The following PHF14 variants were observed in gnomAD, a reference collection of about 807,000 sequenced individuals.
PHF14 encodes PHD finger protein 14.
Under a neutral mutation model 117.9 loss-of-function variants are expected in PHF14, and 55 were observed. That is an observed-to-expected ratio of 0.47 (90% CI 0.38 to 0.58). PHF14 has a LOEUF of 0.58. PHF14 is among the 20% of genes least tolerant of loss of function. The probability of loss-of-function intolerance (pLI) is 0.00; values close to 1 mark genes in which losing one functional copy is unlikely to be tolerated. For missense variants in PHF14, 978 were observed against 1,122.2 expected, an observed-to-expected ratio of 0.87 and a Z score of 1.84; for synonymous variants, 409 against 368.6, an observed-to-expected ratio of 1.11 and a Z score of -1.26.
At chr7:11,168,889 GCCA>G (rs1484120747) in intron 17 of PHF14, among the ~76,000 whole-genome samples, 4 of 151,938 alleles carry the variant, frequency 2.6e-5, no homozygotes, top group Non-Finnish European at 5.9e-5. Flanking sequence ...GAATTATGAG[GCCA>G]CCACTTAGAA....
chr7:11,046,238 G>A (rs1784658744), intron 13 of PHF14, among the ~76,000 whole-genome samples: 1 of 152,048 alleles, frequency 6.6e-6, no homozygotes, highest in South Asian at 2.1e-4. Context: ...GACACATTTG[G>A]TAGGATACAA....
intron 16 of PHF14, among the ~76,000 whole-genome samples, chr7:11,094,404 C>A (rs901217188): frequency 9.9e-5 from 15 of 152,078 alleles, no homozygotes; most frequent in Non-Finnish European, 2.1e-4. Flanking sequence ...TGGTTCATGA[C>A]CCCCAACTTC....
chr7:11,044,401 A>G (rs1784601005), intron 13 of PHF14, among the ~76,000 whole-genome samples: 1 of 152,188 alleles, frequency 6.6e-6, no homozygotes, highest in Admixed American at 6.6e-5. Context: ...GGCGTAAACA[A>G]CTTAGAGCCT....
chr7:11,088,418 G>GCACGCACGCA (rs10625363), intron 16 of PHF14, among the ~76,000 whole-genome samples: 1 of 150,564 alleles, frequency 6.6e-6, no homozygotes, highest in Non-Finnish European at 1.5e-5. Flanking sequence ...ACACACACAC[G>GCACGCACGCA]CACACACACA....
chr7:11,032,506 A>G (rs903085788), intron 7 of PHF14, among the ~76,000 whole-genome samples: 1 of 152,146 alleles, frequency 6.6e-6, no homozygotes, highest in African/African-American at 2.4e-5. Context: ...TTAAAAAAAA[A>G]AAAAAGATTT....
chr7:11,071,998 T>G (rs1324796978), intron 16 of PHF14, among the ~76,000 whole-genome samples: 1 of 152,198 alleles, frequency 6.6e-6, no homozygotes, highest in East Asian at 1.9e-4. Context: ...AAATGAATGA[T>G]TAAGTATGAG....
chr7:11,076,006 G>A (rs1482226452), intron 16 of PHF14, among the ~76,000 whole-genome samples: 2 of 152,158 alleles, frequency 1.3e-5, no homozygotes, highest in Non-Finnish European at 2.9e-5. Flanking sequence ...GGGCATGGTG[G>A]CGGGCGCCTG....
chr7:10,984,475 G>C (rs1264461803), intron 3 of PHF14, among the ~76,000 whole-genome samples: 1 of 152,076 alleles, frequency 6.6e-6, no homozygotes, highest in East Asian at 1.9e-4. Context: ...TATTATCAAT[G>C]CTATCTTAAA....
chr7:11,051,542 T>A, intron 13 of PHF14, 70 bp from the exon 14 acceptor site: 1 of 1,262,330 alleles, frequency 7.9e-7, no homozygotes, highest in Non-Finnish European at 1.1e-6. Context: ...GATTTTGTAT[T>A]TATAAAAACT....
intron 17 of PHF14, among the ~76,000 whole-genome samples, chr7:11,113,832 C>T (rs1787520050): frequency 6.6e-6 from 1 of 151,974 alleles, no homozygotes; most frequent in Admixed American, 6.6e-5. Context: ...TAATGTCATG[C>T]TTTATAATTC....
chr7:10,995,867 G>A (rs1179185085), intron 4 of PHF14, among the ~76,000 whole-genome samples: 1 of 152,170 alleles, frequency 6.6e-6, no homozygotes, highest in Non-Finnish European at 1.5e-5. Flanking sequence ...GCGCTGGCCC[G>A]CAAGCGCCTT....
Position 11,042,643 on chromosome 7 carries a change from A to G in PHF14, c.2181-40A>G. On this transcript the variant is annotated intron_variant, in intron 12 of 17. Coordinates refer to ENST00000634607, the MANE Select transcript of PHF14 (RefSeq NM_001007157.2). ...TATAAGTAAACTGTTTCACTATGAT[A>G]ATTATTATTGAAATCTTTACTTGCT... 2.8e-6 allele frequency: 4 copies of G among 1,414,016 alleles called. No homozygotes were observed. In the East Asian group the frequency reaches 7.3e-5, roughly 26 times the overall value. The allele number at this position is 1,414,016 out of a possible 1,614,324, so 87.6% of individuals were successfully genotyped here.
At chr7:11,111,889 C>A (rs1246826763) in intron 17 of PHF14, among the ~76,000 whole-genome samples, 1 of 113,198 alleles carries the variant, frequency 8.8e-6, no homozygotes, top group Admixed American at 1.1e-4. Context: ...ATTGTAATAT[C>A]TTATAGAATC....
intron 16 of PHF14, chr7:11,062,869 T>A: frequency 2.0e-6 from 2 of 984,442 alleles, no homozygotes; most frequent in Non-Finnish European, 2.4e-6. Context: ...GTTCTTACAG[T>A]TCTTACAGGG....
chr7:11,015,665 C>A (rs1210943234), intron 5 of PHF14, among the ~76,000 whole-genome samples: 1 of 151,994 alleles, frequency 6.6e-6, no homozygotes, highest in Non-Finnish European at 1.5e-5. Context: ...ATGAGATGAT[C>A]CATGAGAAAC....
chr7:11,036,947 T>C (rs760103118), intron 9 of PHF14, 38 bp from the exon 10 acceptor site: 1 of 1,363,834 alleles, frequency 7.3e-7, no homozygotes, highest in South Asian at 1.3e-5. Flanking sequence ...CAGTTTTTAC[T>C]TCCTACTAAA....
chr7:11,008,161 A>G (rs1562416896), intron 4 of PHF14, among the ~76,000 whole-genome samples: 1 of 152,348 alleles, frequency 6.6e-6, no homozygotes, highest in Non-Finnish European at 1.5e-5. Flanking sequence ...TATTCATTAA[A>G]TGAGATAAGG....
chr7:11,105,531 T>A (rs1787227643), intron 16 of PHF14: 3 of 979,064 alleles, frequency 3.1e-6, no homozygotes, highest in South Asian at 9.4e-5. Context: ...ATTAAATTTT[T>A]AAAAAAATTT....
At chr7:11,024,237 G>A (rs1676091735) in intron 6 of PHF14, among the ~76,000 whole-genome samples, 2 of 152,166 alleles carry the variant, frequency 1.3e-5, no homozygotes, top group African/African-American at 4.8e-5. Flanking sequence ...GGAAGCTGCA[G>A]AAGAAAGGTT....
Sources: allele counts gnomAD v4.1 joint callset (sites outside exome capture counted in the v4.1 genomes callset), GRCh38; gene constraint gnomAD v4.1.1; transcripts MANE v1.5; gene names NCBI Gene and HGNC (gene_info 2026-07-23, HGNC 2026-07-21).